The following DLG2 variants were observed in gnomAD, a reference collection of about 807,000 sequenced individuals.
The protein encoded by DLG2 is disks large homolog 2.
DLG2 carries 45 observed loss-of-function variants against 132.5 expected under a neutral mutation model. The observed-to-expected ratio is 0.34, with a 90% CI of 0.27 to 0.44. DLG2 has a LOEUF of 0.44. DLG2 is among the 20% of genes least tolerant of loss of function. DLG2 has a pLI of 1.00. For missense variants in DLG2, 1,045 were observed against 1,196.9 expected, an observed-to-expected ratio of 0.87 and a Z score of 1.87; for synonymous variants, 424 against 419.6, an observed-to-expected ratio of 1.01 and a Z score of -0.13.
At chr11:85,100,137 C>T (rs1352252582) in intron 6 of DLG2, among the ~76,000 whole-genome samples, 1 of 152,094 alleles carries the variant, frequency 6.6e-6, no homozygotes, top group African/African-American at 2.4e-5. Flanking sequence ...AAACTTCATA[C>T]ATTTCAGTTA....
chr11:84,624,831 G>C (rs919237498), intron 6 of DLG2, among the ~76,000 whole-genome samples: 1 of 142,720 alleles, frequency 7.0e-6, no homozygotes, highest in African/African-American at 2.7e-5. Context: ...TCTCTTCTGA[G>C]AGTTACCTCT....
intron 6 of DLG2, among the ~76,000 whole-genome samples, chr11:84,754,390 T>C (rs1417275747): frequency 6.6e-6 from 1 of 152,178 alleles, no homozygotes; most frequent in African/African-American, 2.4e-5. Flanking sequence ...TACTTTTATA[T>C]AACAATGCAT....
At chr11:85,616,574 A>C (rs1301486820) in intron 2 of DLG2, among the ~76,000 whole-genome samples, 1 of 152,208 alleles carries the variant, frequency 6.6e-6, no homozygotes, top group African/African-American at 2.4e-5. Flanking sequence ...TTTTTCAGTA[A>C]TTCCAGTTTT....
intron 16 of DLG2, among the ~76,000 whole-genome samples, chr11:83,840,771 T>A (rs1053540962): frequency 1.3e-5 from 2 of 152,242 alleles, no homozygotes; most frequent in Non-Finnish European, 2.9e-5. Context: ...TGTGAGACTC[T>A]GCCTTGTTAG....
intron 6 of DLG2, among the ~76,000 whole-genome samples, chr11:84,911,355 CATT>C (rs1196473882): frequency 7.2e-5 from 11 of 151,852 alleles, no homozygotes; most frequent in Non-Finnish European, 1.5e-4. Flanking sequence ...TTACAATCAT[CATT>C]AAGGGAGTTT....
At chr11:84,364,755 T>C (rs2098671608) in intron 7 of DLG2, among the ~76,000 whole-genome samples, 1 of 152,202 alleles carries the variant, frequency 6.6e-6, no homozygotes, top group Non-Finnish European at 1.5e-5. Context: ...CTTTTCTGCA[T>C]CTATTGAGAT....
chr11:85,429,205 A>T (rs975536802), intron 3 of DLG2, among the ~76,000 whole-genome samples: 1 of 152,232 alleles, frequency 6.6e-6, no homozygotes, highest in East Asian at 1.9e-4. Context: ...AGGTACAAGG[A>T]GGAGCTGGTA....
chr11:85,420,457 G>C (rs1263795165), intron 3 of DLG2, among the ~76,000 whole-genome samples: 2 of 152,188 alleles, frequency 1.3e-5, no homozygotes, highest in African/African-American at 2.4e-5. Context: ...CAGAGCTTGA[G>C]TGTGCTGGGA....
chr11:83,821,427 A>T (rs528921043), intron 17 of DLG2, among the ~76,000 whole-genome samples: 19 of 152,064 alleles, frequency 1.2e-4, no homozygotes, highest in African/African-American at 4.3e-4. Context: ...GATTTTTTTT[A>T]GATGAATGGA....
chr11:85,261,491 A>T (rs141254712), intron 4 of DLG2, among the ~76,000 whole-genome samples: 3 of 151,706 alleles, frequency 2.0e-5, no homozygotes, highest in Non-Finnish European at 4.4e-5. Flanking sequence ...AATTGACCCT[A>T]CCTATGGTTG....
At chr11:84,688,380 A>G (rs562635497) in intron 6 of DLG2, among the ~76,000 whole-genome samples, 60 of 152,220 alleles carry the variant, frequency 3.9e-4, no homozygotes, top group Admixed American at 3.9e-3. Context: ...CAATAAATGT[A>G]TTTTCTTGTA....
chr11:84,076,272 C>A (rs1392105164), intron 10 of DLG2, among the ~76,000 whole-genome samples: 1 of 152,100 alleles, frequency 6.6e-6, no homozygotes, highest in Non-Finnish European at 1.5e-5. Flanking sequence ...AGAAGCTTCT[C>A]CAGAAGAGAA....
At chr11:85,263,854 C>T (rs530323) in intron 4 of DLG2, among the ~76,000 whole-genome samples, 94,409 of 152,094 alleles carry the variant, frequency 0.62, 29,677 homozygotes, top group Middle Eastern at 0.73. Flanking sequence ...AAGCTGACAT[C>T]ATAGGTGGTA....
At chr11:85,020,995 A>G in intron 6 of DLG2, 1 of 778,362 alleles carries the variant, frequency 1.3e-6, no homozygotes. Flanking sequence ...TCCTCTTCTG[A>G]CTTATTATTC....
At chr11:83,471,570 A>T (rs2092029594) in intron 24 of DLG2, 56 bp downstream of exon 24, 2 of 1,308,828 alleles carry the variant, frequency 1.5e-6, no homozygotes, top group East Asian at 2.3e-5. Flanking sequence ...TTACCATCTC[A>T]TAAAGAAATC....
chr11:84,824,876 C>T (rs2078143479), intron 6 of DLG2, among the ~76,000 whole-genome samples: 1 of 151,970 alleles, frequency 6.6e-6, no homozygotes, highest in East Asian at 2.0e-4. Context: ...TGGCCTCCCC[C>T]TCAGCCACAT....
chr11:84,733,814 A>G (rs1437459880), intron 6 of DLG2, among the ~76,000 whole-genome samples: 2 of 152,154 alleles, frequency 1.3e-5, no homozygotes, highest in African/African-American at 4.8e-5. Context: ...TAATTTTTGT[A>G]TAAGGTGTAA....
intron 3 of DLG2, among the ~76,000 whole-genome samples, chr11:85,399,529 T>C (rs2087811424): frequency 6.6e-6 from 1 of 152,088 alleles, no homozygotes; most frequent in South Asian, 2.1e-4. Context: ...GACTTCAAAC[T>C]ATACTACAAG....
At chr11:84,652,853 G>T (rs1258909754) in intron 6 of DLG2, among the ~76,000 whole-genome samples, 2 of 151,926 alleles carry the variant, frequency 1.3e-5, no homozygotes, top group Non-Finnish European at 2.9e-5. Flanking sequence ...ATAAATCTAG[G>T]CACTCCAAAT....
Sources: gnomAD v4.1 joint callset for allele counts (sites outside exome capture counted in the v4.1 genomes callset) on GRCh38, gnomAD v4.1.1 for gene constraint, MANE v1.5 for transcripts, NCBI Gene and HGNC (gene_info 2026-07-23, HGNC 2026-07-21) for gene names.